The following TMEM178B variants were observed in gnomAD, a reference collection of about 807,000 sequenced individuals.
The protein encoded by TMEM178B is transmembrane protein 178B.
TMEM178B carries 5 observed loss-of-function variants against 31.0 expected under a neutral mutation model. The ratio of observed to expected loss-of-function variants is 0.16; its 90% CI spans 0.08 to 0.34. TMEM178B has a LOEUF of 0.34. TMEM178B is among the 10% of genes least tolerant of loss of function. The pLI, the probability that TMEM178B is intolerant of heterozygous loss-of-function variation, is 1.00. For synonymous variants in TMEM178B, 164 were observed against 164.0 expected (o/e 1.00, Z 0.00); for missense variants, 275 against 400.3 (o/e 0.69, Z 2.67).
chr7:141,494,301 A>G, the TMEM178B span, among the ~76,000 whole-genome samples: 4 of 152,152 alleles, frequency 2.6e-5, no homozygotes, highest in African/African-American at 9.7e-5. Flanking sequence ...TATTATATAC[A>G]AGTTATAGAA....
chr7:141,359,415 G>T (rs998752978), intron 2 of TMEM178B, among the ~76,000 whole-genome samples: 3 of 152,088 alleles, frequency 2.0e-5, no homozygotes, highest in African/African-American at 7.2e-5. Flanking sequence ...TCAGCCTCTT[G>T]GATTCACTCC....
chr7:141,097,365 C>CAAAAAAAAA (rs10718738), intron 1 of TMEM178B, among the ~76,000 whole-genome samples: 10 of 85,300 alleles, frequency 1.2e-4, no homozygotes, highest in Admixed American at 3.1e-4. Flanking sequence ...GACTCCGTCT[C>CAAAAAAAAA]AAAAAAAAAA....
At chr7:141,412,622 G>A (rs1005657115) in intron 2 of TMEM178B, among the ~76,000 whole-genome samples, 1 of 152,224 alleles carries the variant, frequency 6.6e-6, no homozygotes, top group Admixed American at 6.5e-5. Flanking sequence ...TTGCTAGAGA[G>A]TATTTGGATA....
At chr7:141,095,503 T>A (rs1483564974) in intron 1 of TMEM178B, among the ~76,000 whole-genome samples, 1 of 152,248 alleles carries the variant, frequency 6.6e-6, no homozygotes, top group Non-Finnish European at 1.5e-5. Flanking sequence ...TTTTAACTTA[T>A]GATTTTTCTC....
intron 2 of TMEM178B, among the ~76,000 whole-genome samples, chr7:141,281,874 G>A (rs1257366596): frequency 2.0e-5 from 3 of 152,194 alleles, no homozygotes; most frequent in Admixed American, 6.5e-5. Flanking sequence ...AGTCAAGAGT[G>A]GATTTGTGTA....
intron 2 of TMEM178B, among the ~76,000 whole-genome samples, chr7:141,348,854 A>G (rs989433611): frequency 1.3e-5 from 2 of 152,222 alleles, no homozygotes; most frequent in Non-Finnish European, 2.9e-5. Flanking sequence ...ATTAGCGAGC[A>G]GAACTGACAG....
intron 1 of TMEM178B, among the ~76,000 whole-genome samples, chr7:141,109,698 C>T (rs1415930672): frequency 1.3e-5 from 2 of 152,102 alleles, no homozygotes; most frequent in Non-Finnish European, 2.9e-5. Flanking sequence ...AAGTAAGTCC[C>T]ATGGTGAAGG....
chr7:141,108,154 G>A (rs868034494), intron 1 of TMEM178B, among the ~76,000 whole-genome samples: 1 of 152,188 alleles, frequency 6.6e-6, no homozygotes, highest in Non-Finnish European at 1.5e-5. Flanking sequence ...ATTGGAGGCC[G>A]TTAAGAGAGA....
At chr7:141,161,018 T>C (rs1313515902) in intron 1 of TMEM178B, among the ~76,000 whole-genome samples, 1 of 151,970 alleles carries the variant, frequency 6.6e-6, no homozygotes. Context: ...CCACCATGCC[T>C]GGCTAATTTT....
chr7:141,411,773 C>T (rs1330316013), intron 2 of TMEM178B, among the ~76,000 whole-genome samples: 2 of 152,154 alleles, frequency 1.3e-5, no homozygotes, highest in Non-Finnish European at 2.9e-5. Flanking sequence ...TCATTTAAAA[C>T]GGTTGACATT....
chr7:141,310,986 A>G (rs1798898696), intron 2 of TMEM178B, among the ~76,000 whole-genome samples: 1 of 152,238 alleles, frequency 6.6e-6, no homozygotes, highest in African/African-American at 2.4e-5. Context: ...GAATGAGATC[A>G]TGTCCTTTGC....
chr7:141,106,328 A>C (rs547592649), intron 1 of TMEM178B, among the ~76,000 whole-genome samples: 1 of 152,338 alleles, frequency 6.6e-6, no homozygotes, highest in African/African-American at 2.4e-5. Context: ...TTATTTAGGA[A>C]ATCAATTAAA....
Position 141,088,643 on chromosome 7 carries a change from T to G in TMEM178B, c.382+13951T>G, listed in dbSNP as rs145328516. On this transcript the variant is annotated intron_variant, in intron 1 of 3. Coordinates refer to ENST00000565468, the MANE Select transcript of TMEM178B (RefSeq NM_001195278.2). ...GATCACCCATGGGTCCAAAGGAATC[T>G]ATTTCATCTTTTTCCTCCAGACTCA... is the stretch of plus-strand genomic sequence containing the variant. Among the ~76,000 whole-genome samples the G allele has an allele frequency of 8.4e-3, 1,278 of 152,314 alleles. 21 individuals carry two copies. Among genetic ancestry groups the G allele is most frequent in the Non-Finnish European group, 0.01 (685 of 68,032 alleles).
chr7:141,501,614 T>C, the TMEM178B span, among the ~76,000 whole-genome samples: 1 of 152,164 alleles, frequency 6.6e-6, no homozygotes, highest in Non-Finnish European at 1.5e-5. Flanking sequence ...GTAAAACAAA[T>C]TACCCTCTGT....
chr7:141,116,099 T>G (rs1296799722), intron 1 of TMEM178B, among the ~76,000 whole-genome samples: 7 of 152,256 alleles, frequency 4.6e-5, no homozygotes, highest in African/African-American at 1.7e-4. Context: ...TGTCCCACAC[T>G]GACTTCATTC....
chr7:141,268,813 A>C (rs1244188808), intron 2 of TMEM178B, among the ~76,000 whole-genome samples: 1 of 152,258 alleles, frequency 6.6e-6, no homozygotes, highest in Non-Finnish European at 1.5e-5. Flanking sequence ...AAGGTCATGC[A>C]TCAGTTTTGA....
chr7:141,082,604 T>C (rs1317895254), intron 1 of TMEM178B, among the ~76,000 whole-genome samples: 1 of 152,222 alleles, frequency 6.6e-6, no homozygotes, highest in Non-Finnish European at 1.5e-5. Flanking sequence ...TGAGAGTCAG[T>C]GATTCAAGAA....
intron 1 of TMEM178B, among the ~76,000 whole-genome samples, chr7:141,141,224 A>G (rs1458291638): frequency 6.6e-6 from 1 of 151,890 alleles, no homozygotes; most frequent in African/African-American, 2.4e-5. Flanking sequence ...AATTGTTCCA[A>G]CCTTGGCCTT....
At chr7:141,511,229 A>G in the TMEM178B span, among the ~76,000 whole-genome samples, 1 of 129,546 alleles carries the variant, frequency 7.7e-6, no homozygotes, top group East Asian at 2.3e-4. Flanking sequence ...TGCCCTTTAT[A>G]TTAAGTGCTC....
Sources: allele counts gnomAD v4.1 joint callset (sites outside exome capture counted in the v4.1 genomes callset), GRCh38; gene constraint gnomAD v4.1.1; transcripts MANE v1.5; gene names NCBI Gene and HGNC (gene_info 2026-07-23, HGNC 2026-07-21).